The following RASGEF1A variants were observed in gnomAD, a reference collection of about 807,000 sequenced individuals.
RASGEF1A encodes the protein RasGEF domain family member 1A.
A neutral mutation model predicts 56.4 loss-of-function variants in RASGEF1A; 18 were observed. That is an observed-to-expected ratio of 0.32 (90% CI 0.22 to 0.47). The LOEUF is 0.47. RASGEF1A is among the 20% of genes least tolerant of loss of function. The pLI, the probability that RASGEF1A is intolerant of heterozygous loss-of-function variation, is 1.00. For missense variants in RASGEF1A, 422 were observed against 627.1 expected, an observed-to-expected ratio of 0.67 and a Z score of 3.49; for synonymous variants, 245 against 242.6, an observed-to-expected ratio of 1.01 and a Z score of -0.09.
chr10:43,227,301 A>G (rs953000073), intron 1 of RASGEF1A, among the ~76,000 whole-genome samples: 19 of 151,464 alleles, frequency 1.3e-4, no homozygotes, highest in Admixed American at 1.1e-3. Context: ...TGCCCCCCCG[A>G]CAGATGGCAC....
intron 3 of RASGEF1A, among the ~76,000 whole-genome samples, chr10:43,202,360 G>A (rs75476003): frequency 0.046 from 7,042 of 152,254 alleles, 191 homozygotes; most frequent in South Asian, 0.089. Flanking sequence ...TGACCCCGAG[G>A]GGAGGCGACG....
At chr10:43,211,404 G>A (rs1231205021) in intron 1 of RASGEF1A, among the ~76,000 whole-genome samples, 4 of 152,198 alleles carry the variant, frequency 2.6e-5, no homozygotes, top group African/African-American at 7.2e-5. Flanking sequence ...CACTGTAGGA[G>A]GCCTGGAGTG....
chr10:43,219,998 C>T (rs1425222914), intron 1 of RASGEF1A, among the ~76,000 whole-genome samples: 1 of 152,168 alleles, frequency 6.6e-6, no homozygotes, highest in African/African-American at 2.4e-5. Flanking sequence ...GAGCCATGGG[C>T]ATGCTCAGTC....
rs1021924724 is a variant in RASGEF1A, at chr10:43,208,097, C to T, written c.-6-1975G>A. 16 of 985,398 alleles carry T rather than the reference C, an allele frequency of 1.6e-5. No individual in the cohort carries two copies. The African/African-American group carries it at 2.8e-4, about 17-fold the overall frequency. 61.0% of individuals were successfully genotyped at this position (985,398 alleles called of 1,614,324 possible). A position where few individuals can be genotyped will look rare whatever the true frequency, so the allele number is the denominator to read the frequency against. The stretch of plus-strand genomic sequence containing the variant: ...AAACCCCTTGTTGCCCACAGCTGCT[C>T]AGCACTGTCTCAGGCATCTGAGGCC... On this transcript the variant is annotated intron_variant, in intron 1 of 12. Transcript: ENST00000395810.
Position 43,194,801 on chromosome 10 carries a change from TTCTC to T in RASGEF1A, c.*1439_*1442del, listed in dbSNP as rs769873080. ...ATATATATTCTCAAGTTTTAAGCCT[TTCTC>T]ATCTCAAAGACATAAACAAAGCAAT... On this transcript the variant is annotated 3_prime_UTR_variant, in exon 13 of 13. Coordinates refer to ENST00000395810, the MANE Select transcript of RASGEF1A (RefSeq NM_145313.4). 3.3e-5 allele frequency: 5 copies of T among 152,652 alleles called. No homozygotes were observed. Among genetic ancestry groups the T allele is most frequent in the African/African-American group, 7.2e-5 (3 of 41,464 alleles). 9.5% of individuals were successfully genotyped at this position (152,652 alleles called of 1,614,324 possible). A position where few individuals can be genotyped will look rare whatever the true frequency, so the allele number is the denominator to read the frequency against.
chr10:43,211,884 T>C (rs1840073766), intron 1 of RASGEF1A, among the ~76,000 whole-genome samples: 1 of 152,302 alleles, frequency 6.6e-6, no homozygotes, highest in South Asian at 2.1e-4. Flanking sequence ...GAATGTCTTG[T>C]CCCACCTCCC....
chr10:43,203,257 C>T (rs895517038), intron 3 of RASGEF1A, 41 bp downstream of exon 3: 2 of 1,525,176 alleles, frequency 1.3e-6, no homozygotes, highest in African/African-American at 1.4e-5. Flanking sequence ...TCGCCTCCTG[C>T]CCCCTGCCCC....
intron 1 of RASGEF1A, among the ~76,000 whole-genome samples, chr10:43,230,607 G>C (rs1840353897): frequency 6.6e-6 from 1 of 152,318 alleles, no homozygotes; most frequent in South Asian, 2.1e-4. Context: ...GCGGCCGCTA[G>C]GGAGGAGCAG....
chr10:43,228,358 C>T (rs1840310421), intron 1 of RASGEF1A, among the ~76,000 whole-genome samples: 2 of 152,220 alleles, frequency 1.3e-5, no homozygotes, highest in Non-Finnish European at 2.9e-5. Context: ...ACGCTGGGCA[C>T]CAAGTGTGTC....
chr10:43,260,130 C>T (rs1016157588), intron 1 of RASGEF1A, among the ~76,000 whole-genome samples: 3 of 152,214 alleles, frequency 2.0e-5, no homozygotes, highest in Non-Finnish European at 4.4e-5. Flanking sequence ...AAACGCCCAG[C>T]AGAGCCCTTG....
rs115380536 is a variant in RASGEF1A, at chr10:43,200,590, G to T, written c.681+77C>A. ...TGATGGCTCAGTGTGACTAGCAGGG[G>T]CCTGAAGTGCTGTGCTGAAAGAGGC... On this transcript the variant is annotated intron_variant, in intron 5 of 12. Coordinates refer to ENST00000395810, the MANE Select transcript of RASGEF1A (RefSeq NM_145313.4). 94 of 1,288,794 alleles carry T rather than the reference G, an allele frequency of 7.3e-5. No homozygotes were observed. The African/African-American group carries it at 1.2e-3, about 17-fold the overall frequency. The allele number at this position is 1,288,794 out of a possible 1,614,324, so 79.8% of individuals were successfully genotyped here.
intron 1 of RASGEF1A, among the ~76,000 whole-genome samples, chr10:43,266,102 C>G (rs572845004): frequency 6.6e-6 from 1 of 152,310 alleles, no homozygotes; most frequent in South Asian, 2.1e-4. Flanking sequence ...CCAGGTCCAG[C>G]ACCCAGAGGC....
At chr10:43,204,719 G>C (rs1347253342) in intron 2 of RASGEF1A, among the ~76,000 whole-genome samples, 5 of 152,226 alleles carry the variant, frequency 3.3e-5, no homozygotes, top group African/African-American at 1.2e-4. Context: ...TGCCCAACTG[G>C]AGTCTCGTGG....
At chr10:43,260,071 T>C (rs1224906962) in intron 1 of RASGEF1A, among the ~76,000 whole-genome samples, 1 of 152,144 alleles carries the variant, frequency 6.6e-6, no homozygotes. Flanking sequence ...GCAAAATCAG[T>C]GTAATGATGC....
intron 1 of RASGEF1A, among the ~76,000 whole-genome samples, chr10:43,222,574 G>A (rs1320175543): frequency 6.6e-6 from 1 of 152,234 alleles, no homozygotes; most frequent in Admixed American, 6.5e-5. Context: ...TGCAGTGCCT[G>A]GGAGGACAGG....
chr10:43,250,189 G>A (rs935772977), intron 1 of RASGEF1A, among the ~76,000 whole-genome samples: 1 of 152,236 alleles, frequency 6.6e-6, no homozygotes, highest in Admixed American at 6.5e-5. Context: ...TGGCCAATGC[G>A]CAGTCTCGGA....
At chr10:43,199,873 A>G (rs904221156) in intron 6 of RASGEF1A, 105 bp from the exon 7 acceptor site, 2 of 957,704 alleles carry the variant, frequency 2.1e-6, no homozygotes, top group African/African-American at 3.2e-5. Flanking sequence ...CCTGCACCGC[A>G]GCAGCCTCAA....
chr10:43,239,111 G>A (rs987561445), intron 1 of RASGEF1A, among the ~76,000 whole-genome samples: 22 of 152,164 alleles, frequency 1.4e-4, no homozygotes, highest in Admixed American at 7.9e-4. Flanking sequence ...AACTCCATAC[G>A]TTCTGTGGCA....
At chr10:43,242,881 C>T (rs1840519112) in intron 1 of RASGEF1A, among the ~76,000 whole-genome samples, 4 of 152,224 alleles carry the variant, frequency 2.6e-5, no homozygotes, top group Admixed American at 2.0e-4. Context: ...CGGCTCACTA[C>T]AACCTCCACC....
Sources: allele counts gnomAD v4.1 joint callset (sites outside exome capture counted in the v4.1 genomes callset), GRCh38; gene constraint gnomAD v4.1.1; transcripts MANE v1.5; gene names NCBI Gene and HGNC (gene_info 2026-07-23, HGNC 2026-07-21).